CPAMD8: variants seen among roughly 807,000 people sequenced by gnomAD.
CPAMD8 encodes the protein C3 and PZP-like alpha-2-macroglobulin domain-containing protein 8.
A neutral mutation model predicts 224.7 loss-of-function variants in CPAMD8; 146 were observed. The ratio of observed to expected loss-of-function variants is 0.65; its 90% CI spans 0.57 to 0.75. CPAMD8 has a LOEUF of 0.75. CPAMD8 is among the 30% of genes least tolerant of loss of function. CPAMD8 has a pLI of 0.00. For synonymous variants in CPAMD8, 966 were observed against 1,044.6 expected, an observed-to-expected ratio of 0.92 and a Z score of 1.45; for missense variants, 2,301 against 2,537.5, an observed-to-expected ratio of 0.91 and a Z score of 2.00.
At chr19:16,903,495 G>A in intron 34 of CPAMD8, 66 bp downstream of exon 34, 1 of 1,607,876 alleles carries the variant, frequency 6.2e-7, no homozygotes, top group Non-Finnish European at 8.5e-7. Context: ...GTTCCACTGT[G>A]TGATTGGAGG....
intron 20 of CPAMD8, among the ~76,000 whole-genome samples, chr19:16,948,374 C>G (rs2122297792): frequency 6.6e-6 from 1 of 152,280 alleles, no homozygotes; most frequent in South Asian, 2.1e-4. Flanking sequence ...AAAGGCCCAG[C>G]TAGATCTGAG....
chr19:17,012,101 C>A (rs980724419), intron 3 of CPAMD8, among the ~76,000 whole-genome samples: 15 of 152,084 alleles, frequency 9.9e-5, no homozygotes, highest in African/African-American at 3.6e-4. Flanking sequence ...CTCATTGCAA[C>A]CTCTGTCTCC....
intron 9 of CPAMD8, among the ~76,000 whole-genome samples, chr19:17,001,476 G>A (rs1289951779): frequency 2.2e-5 from 2 of 91,306 alleles, no homozygotes; most frequent in Admixed American, 8.9e-5. Flanking sequence ...CACCCTGGGG[G>A]GTAGGGCATT....
chr19:16,925,782 C>CTCACTCCA (rs1251982318), intron 25 of CPAMD8, among the ~76,000 whole-genome samples: 1 of 149,888 alleles, frequency 6.7e-6, no homozygotes, highest in Non-Finnish European at 1.5e-5. Flanking sequence ...GAGATGGAGT[C>CTCACTCCA]TCACTCCATC....
chr19:16,994,798 G>A (rs568140578), intron 11 of CPAMD8, among the ~76,000 whole-genome samples: 1 of 151,754 alleles, frequency 6.6e-6, no homozygotes, highest in Non-Finnish European at 1.5e-5. Flanking sequence ...AGCCACAAAC[G>A]TCTGGCCTAT....
At chr19:16,960,604 T>C (rs1282937009) in intron 18 of CPAMD8, among the ~76,000 whole-genome samples, 4 of 151,688 alleles carry the variant, frequency 2.6e-5, no homozygotes, top group Non-Finnish European at 4.4e-5. Context: ...CAGAAGAATA[T>C]CTAAGAAATT....
chr19:16,915,939 CTT>C (rs1270588746), intron 27 of CPAMD8, among the ~76,000 whole-genome samples: 1 of 148,738 alleles, frequency 6.7e-6, no homozygotes, highest in African/African-American at 2.5e-5. Flanking sequence ...TTCTCTCTCT[CTT>C]TTCTTTCCTA....
In CPAMD8 at chr19:16,899,764, C is replaced by G. The variant is rs948636152; in HGVS notation, c.4774-215G>C. Among the ~76,000 whole-genome samples the G allele has an allele frequency of 6.6e-6, 1 of 152,124 alleles. No homozygotes were observed. The highest frequency in any genetic ancestry group is 1.5e-5 in the Non-Finnish European group (1 of 68,026). On this transcript the variant is annotated intron_variant, in intron 36 of 41. Transcript: ENST00000443236. The surrounding 1 kb of genome is among the most constrained non-coding windows in gnomAD (Gnocchi z 5.4). The stretch of plus-strand genomic sequence containing the variant: ...CTATCCCCGCTGGGAGCACCTGCCT[C>G]GCCTCCCTATACACTCCCTCAACCC...
intron 3 of CPAMD8, among the ~76,000 whole-genome samples, chr19:17,014,894 AC>A (rs1234004326): frequency 1.5e-4 from 23 of 152,204 alleles, no homozygotes; most frequent in African/African-American, 5.1e-4. Context: ...CAGCAGGTGG[AC>A]ATTACCTCCA....
intron 27 of CPAMD8, among the ~76,000 whole-genome samples, chr19:16,918,501 G>C (rs1390729012): frequency 6.8e-6 from 1 of 147,214 alleles, no homozygotes; most frequent in African/African-American, 2.6e-5. Flanking sequence ...AGGCTGGAGT[G>C]CAGTGGCACA....
intron 22 of CPAMD8, among the ~76,000 whole-genome samples, chr19:16,943,667 T>C (rs1051762338): frequency 6.6e-6 from 1 of 152,216 alleles, no homozygotes; most frequent in African/African-American, 2.4e-5. Context: ...GATGGACATT[T>C]CCTAAAATAG....
chr19:17,003,993 G>A (rs2056411692), intron 8 of CPAMD8, among the ~76,000 whole-genome samples: 1 of 151,182 alleles, frequency 6.6e-6, no homozygotes, highest in African/African-American at 2.4e-5. Context: ...TGCAACCTCT[G>A]CCTCCCGGTT....
intron 41 of CPAMD8, 197 bp downstream of exon 41, chr19:16,895,979 A>C: frequency 1.4e-6 from 1 of 704,924 alleles, no homozygotes. Flanking sequence ...TGCGTGGGCC[A>C]GGGTGGAGGG....
intron 29 of CPAMD8, among the ~76,000 whole-genome samples, chr19:16,912,572 A>G (rs2052768251): frequency 6.6e-6 from 1 of 152,200 alleles, no homozygotes; most frequent in South Asian, 2.1e-4. Context: ...AACATGGTGG[A>G]ACCTGGTCTC....
Position 16,907,049 on chromosome 19 carries a change from A to G in CPAMD8, c.3930T>C (p.Pro1310=). The G allele has an allele frequency of 6.2e-7, 1 of 1,608,398 alleles. No homozygotes were observed. The highest frequency in any genetic ancestry group is 8.5e-7 in the Non-Finnish European group (1 of 1,177,832). The part of the protein sequence containing the change: ...LESAAPLAMD[P]YSCALTTYAL... ...CGTAGGTAGTCAGGGCACAGCTATAAGGGTCCATGGCCAGGGGCGCAGCAG... is the reference window on the plus strand; with the variant it reads ...CGTAGGTAGTCAGGGCACAGCTATAGGGGTCCATGGCCAGGGGCGCAGCAG... Residue 1310 remains proline, a synonymous_variant, in exon 30 of 42, where the codon CCT becomes CCC. Transcript: ENST00000443236.
At chr19:17,026,445 C>T in intron 1 of CPAMD8, 106 bp downstream of exon 1, 1 of 1,223,368 alleles carries the variant, frequency 8.2e-7, no homozygotes, top group Non-Finnish European at 1.1e-6. Flanking sequence ...CAGCCCAGCG[C>T]GGAGGCTGTG....
At chr19:16,915,638 C>T (rs11086039) in intron 27 of CPAMD8, among the ~76,000 whole-genome samples, 75,285 of 152,008 alleles carry the variant, frequency 0.5, 20,183 homozygotes, top group Non-Finnish European at 0.6. Flanking sequence ...AATGCATGAA[C>T]AAATGAAGGA....
intron 29 of CPAMD8, among the ~76,000 whole-genome samples, chr19:16,912,133 A>T (rs2052751834): frequency 6.6e-6 from 1 of 152,138 alleles, no homozygotes. Context: ...ATATATTATA[A>T]TGTAATAATA....
In CPAMD8 at chr19:16,903,932, A is replaced by C. The variant is rs10419251; in HGVS notation, c.4252-75T>G. 8,274 of 1,457,754 alleles carry C rather than the reference A, an allele frequency of 5.7e-3. 391 individuals carry two copies. In the African/African-American group the frequency reaches 0.096, roughly 17 times the overall value. The allele number at this position is 1,457,754 out of a possible 1,614,324, so 90.3% of individuals were successfully genotyped here. A position where few individuals can be genotyped will look rare whatever the true frequency, so the allele number is the denominator to read the frequency against. The stretch of plus-strand genomic sequence containing the variant: ...GTGGTCCCCTGAACCCCGTCTTGGA[A>C]GCCTAGCCTAAAACAGGCACCAACG... On this transcript the variant is annotated intron_variant, in intron 32 of 41. Transcript: ENST00000443236.
Sources: allele counts gnomAD v4.1 joint callset (sites outside exome capture counted in the v4.1 genomes callset), GRCh38; gene constraint gnomAD v4.1.1; non-coding constraint Gnocchi (gnomAD v3.1); transcripts MANE v1.5; gene names NCBI Gene and HGNC (gene_info 2026-07-23, HGNC 2026-07-21).